The following LRCH1 variants were observed in gnomAD, a reference collection of about 807,000 sequenced individuals.
LRCH1 encodes leucine rich repeats and calponin homology domain containing 1.
Under a neutral mutation model 94.9 loss-of-function variants are expected in LRCH1, and 23 were observed. The ratio of observed to expected loss-of-function variants is 0.24; its 90% CI spans 0.17 to 0.34. LRCH1 has a LOEUF of 0.34. LRCH1 is among the 10% of genes least tolerant of loss of function. LRCH1 has a pLI of 1.00. For synonymous variants in LRCH1, 364 were observed against 354.9 expected (o/e 1.03, Z -0.29); for missense variants, 790 against 945.9 (o/e 0.84, Z 2.16).
intron 3 of LRCH1, among the ~76,000 whole-genome samples, chr13:46,680,403 A>G (rs1814381868): frequency 6.6e-6 from 1 of 152,210 alleles, no homozygotes; most frequent in Non-Finnish European, 1.5e-5. Context: ...ACCCATGAGC[A>G]AATGACTTAC....
rs1566246744 is a variant in LRCH1 at position 46,717,794 on chromosome 13, C to CT, written c.1759+2137dup. On this transcript the variant is annotated intron_variant, in intron 16 of 19. Transcript: ENST00000389797. Reference sequence around the variant, plus strand: ...CTGTCTTGCTTTATATAAAATTATCCTTTTTTTAAAATTCTTTCAAATATC... The same window carrying CT: ...CTGTCTTGCTTTATATAAAATTATCCTTTTTTTTAAAATTCTTTCAAATATC... 2.0e-5 allele frequency: 3 copies of CT among 151,982 alleles called. No individual in the cohort carries two copies. The South Asian group carries it at 6.2e-4, about 31-fold the overall frequency. The allele number at this position is 151,982 out of a possible 1,614,324, so 9.4% of individuals were successfully genotyped here.
intron 18 of LRCH1, among the ~76,000 whole-genome samples, chr13:46,729,563 A>G (rs796156596): frequency 8.7e-4 from 131 of 151,152 alleles, no homozygotes; most frequent in African/African-American, 3.0e-3. Context: ...AAAAAAAAAA[A>G]AAAAAGAAAA....
At chr13:46,617,901 A>C (rs1259321394) in intron 1 of LRCH1, among the ~76,000 whole-genome samples, 1 of 152,150 alleles carries the variant, frequency 6.6e-6, no homozygotes, top group Non-Finnish European at 1.5e-5. Context: ...ATTTTTGAGA[A>C]TTTGCTGAGC....
chr13:46,581,143 A>G (rs1338427133), intron 1 of LRCH1, among the ~76,000 whole-genome samples: 2 of 152,204 alleles, frequency 1.3e-5, no homozygotes, highest in African/African-American at 2.4e-5. Flanking sequence ...TGTCAGCTGC[A>G]TCATGTCATT....
Position 46,669,131 on chromosome 13 carries a change from G to T in LRCH1, c.554G>T (p.Gly185Val). The T allele has an allele frequency of 1.2e-6, 2 of 1,614,104 alleles. No homozygotes were observed. The highest frequency in any genetic ancestry group is 1.7e-6 in the Non-Finnish European group (2 of 1,179,988). ...NKLGSLPEEI[G>V]QLKQLMELDV... Reference sequence around the variant, plus strand: ...CTTGGATCATTACCAGAAGAGATAGGTCAGCTCAAACAGTTAATGGAGCTG... The same window carrying T: ...CTTGGATCATTACCAGAAGAGATAGTTCAGCTCAAACAGTTAATGGAGCTG... Residue 185 changes from glycine to valine, a missense_variant, in exon 3 of 20, where the codon GGT becomes GTT. By Grantham distance (109) the Gly-to-Val change is moderately radical. Around this residue, in one of 3 missense-constraint regions of LRCH1, gnomAD observed 194 missense variants for 293.5 expected, o/e 0.66. Coordinates refer to ENST00000389797, the MANE Select transcript of LRCH1 (RefSeq NM_001164211.2).
At chr13:46,653,950 A>G (rs775410443) in intron 2 of LRCH1, among the ~76,000 whole-genome samples, 13 of 152,246 alleles carry the variant, frequency 8.5e-5, no homozygotes, top group African/African-American at 1.4e-4. Flanking sequence ...ATTACTGGGT[A>G]TAGTTGAAAC....
chr13:46,673,836 A>G (rs868504653), intron 3 of LRCH1, among the ~76,000 whole-genome samples: 126 of 145,952 alleles, frequency 8.6e-4, no homozygotes, highest in African/African-American at 3.1e-3. Context: ...GCTAGAGTGC[A>G]GCGGCACAAT....
rs770948540 is a variant in LRCH1 at position 46,553,669 on chromosome 13, C to T, written c.273C>T (p.Ala91=). 7 of 1,609,850 alleles carry T rather than the reference C, an allele frequency of 4.3e-6. No individual in the cohort carries two copies. The highest frequency in any genetic ancestry group is 4.0e-5 in the African/African-American group (3 of 74,838). ...RKLKEFPRTA[A]PGHDLSDTVQ... is the part of the protein sequence containing the mutation. ...TGAAGGAATTTCCCCGTACCGCAGC[C>T]CCCGGGCACGACCTCTCGGACACGG... Residue 91 remains alanine (A), a synonymous_variant, in exon 1 of 20, where the codon GCC becomes GCT. Coordinates refer to ENST00000389797, the MANE Select transcript of LRCH1 (RefSeq NM_001164211.2).
intron 1 of LRCH1, among the ~76,000 whole-genome samples, chr13:46,591,141 G>A (rs2050495563): frequency 6.6e-6 from 1 of 151,936 alleles, no homozygotes; most frequent in African/African-American, 2.4e-5. Flanking sequence ...ATACTTTTTT[G>A]TGTGCCCCGC....
chr13:46,667,145 A>G (rs2051527415), intron 2 of LRCH1, among the ~76,000 whole-genome samples: 1 of 152,146 alleles, frequency 6.6e-6, no homozygotes, highest in Non-Finnish European at 1.5e-5. Context: ...AGCTTTTTCC[A>G]TGGGTCTGCA....
rs532045537 is a variant in LRCH1, at chr13:46,625,794, C to T, written c.308-24407C>T. 1.2e-4 allele frequency among the ~76,000 whole-genome samples: 19 copies of T among 152,196 alleles called. No individual in the cohort carries two copies. In the East Asian group the frequency reaches 2.1e-3, roughly 17 times the overall value. On this transcript the variant is annotated intron_variant, in intron 1 of 19. Transcript: ENST00000389797. ...TCAGCCTCCCAGGTAGCTGGGACCA[C>T]GGGCCTGTGCCACCACGCCCAGCTT...
At chr13:46,655,793 G>A (rs896615459) in intron 2 of LRCH1, among the ~76,000 whole-genome samples, 7 of 152,206 alleles carry the variant, frequency 4.6e-5, no homozygotes, top group Non-Finnish European at 8.8e-5. Context: ...TCATTTCAGC[G>A]TTAGCGGCTG....
At chr13:46,706,753 T>C (rs1316578252) in intron 13 of LRCH1, among the ~76,000 whole-genome samples, 2 of 81,414 alleles carry the variant, frequency 2.5e-5, no homozygotes, top group Non-Finnish European at 2.4e-5. Context: ...TTTAAACTTA[T>C]AAAAGTTGTA....
chr13:46,642,275 A>G (rs1041526293), intron 1 of LRCH1, among the ~76,000 whole-genome samples: 1 of 152,214 alleles, frequency 6.6e-6, no homozygotes, highest in African/African-American at 2.4e-5. Context: ...AGCTATACCC[A>G]TATGAACAAC....
chr13:46,685,510 T>G (rs775657619), intron 4 of LRCH1, among the ~76,000 whole-genome samples: 2 of 152,230 alleles, frequency 1.3e-5, no homozygotes, highest in African/African-American at 4.8e-5. Context: ...AAGAATATTC[T>G]GTAATTAACG....
At chr13:46,730,848 G>T (rs747277314) in intron 18 of LRCH1, among the ~76,000 whole-genome samples, 3 of 152,126 alleles carry the variant, frequency 2.0e-5, no homozygotes, top group Non-Finnish European at 2.9e-5. Flanking sequence ...AATGTACAAT[G>T]ATCATTTTAC....
At chr13:46,655,038 A>G (rs1487860512) in intron 2 of LRCH1, among the ~76,000 whole-genome samples, 1 of 152,246 alleles carries the variant, frequency 6.6e-6, no homozygotes, top group African/African-American at 2.4e-5. Context: ...AGCTACTTTG[A>G]ATTCATGGGA....
chr13:46,613,458 A>G (rs750656671), intron 1 of LRCH1, among the ~76,000 whole-genome samples: 1 of 152,050 alleles, frequency 6.6e-6, no homozygotes, highest in Non-Finnish European at 1.5e-5. Context: ...TCAGCCATCA[A>G]CGCTTCCCTC....
chr13:46,679,051 AT>A (rs1449214628), intron 3 of LRCH1, among the ~76,000 whole-genome samples: 1 of 152,268 alleles, frequency 6.6e-6, no homozygotes, highest in East Asian at 1.9e-4. Flanking sequence ...CATAATTTAT[AT>A]AAGGATCTTT....
Sources: allele counts gnomAD v4.1 joint callset (sites outside exome capture counted in the v4.1 genomes callset), GRCh38; gene constraint gnomAD v4.1.1; regional missense constraint gnomAD v4.1.1; transcripts MANE v1.5; gene names NCBI Gene and HGNC (gene_info 2026-07-23, HGNC 2026-07-21).